SPATA19: variants seen among roughly 807,000 people sequenced by gnomAD.
SPATA19 encodes the protein spermatogenesis-associated protein 19, mitochondrial.
A neutral mutation model predicts 25.0 loss-of-function variants in SPATA19; 19 were observed. The observed-to-expected ratio is 0.76, with a 90% CI of 0.53 to 1.11. The LOEUF (loss-of-function observed/expected upper bound fraction) is 1.11. Ranked by LOEUF, SPATA19 falls within the 50% of genes most tolerant of loss-of-function variation. The pLI is 0.00. For missense variants in SPATA19, 222 were observed against 211.4 expected (o/e 1.05, Z -0.31); for synonymous variants, 64 against 69.3 (o/e 0.92, Z 0.38).
chr11:133,835,973 C>G (rs559011450), downstream of SPATA19, among the ~76,000 whole-genome samples: 41 of 152,320 alleles, frequency 2.7e-4, no homozygotes, highest in African/African-American at 9.6e-4. Context: ...CTGCCGCCGT[C>G]CTTTGGCACA....
Position 133,844,328 on chromosome 11 carries a change from G to GGT in SPATA19, c.275_276dup (p.His93ThrfsTer17). The GGT allele has an allele frequency of 6.2e-7, 1 of 1,614,134 alleles. No homozygotes were observed. Among genetic ancestry groups the GGT allele is most frequent in the South Asian group, 1.1e-5 (1 of 91,084 alleles). On this transcript the variant is annotated frameshift_variant, in exon 4 of 7. Coordinates refer to ENST00000299140, the MANE Select transcript of SPATA19 (RefSeq NM_174927.3). LOFTEE classifies it high-confidence loss of function. ...GCCAACAAATCAGACTTAGAGAGGT[G>GGT]GTGCTTCACCTGGGAAATCCAGAGG...
At chr11:133,842,841 G>A (rs1158496879) in intron 4 of SPATA19, among the ~76,000 whole-genome samples, 1 of 152,054 alleles carries the variant, frequency 6.6e-6, no homozygotes, top group African/African-American at 2.4e-5. Context: ...GCAAGCAGTG[G>A]TCTCGTGAGC....
downstream of SPATA19, among the ~76,000 whole-genome samples, chr11:133,837,637 C>G (rs1938236074): frequency 6.6e-6 from 1 of 152,194 alleles, no homozygotes. Flanking sequence ...CAGACCCTCC[C>G]CTCTAGCCTT....
In SPATA19 at chr11:133,844,603, A is replaced by T. The variant is rs754293828; in HGVS notation, c.173T>A (p.Leu58Gln). The change falls in exon 3 of 7, where the codon CTG becomes CAG. Residue 58 changes from leucine (L) to glutamine (Q), a missense_variant. Coordinates refer to ENST00000299140, the MANE Select transcript of SPATA19 (RefSeq NM_174927.3). ...EEASRGIKEKLSINHPSQGVR... is the reference protein window; with the variant it reads ...EEASRGIKEKQSINHPSQGVR... Reference sequence around the variant, plus strand: ...ACCCTGGGAAGGGTGGTTGATGGACAGCTTTTCCTTTATGCCCCGAGAAGC... The same window carrying T: ...ACCCTGGGAAGGGTGGTTGATGGACTGCTTTTCCTTTATGCCCCGAGAAGC... The T allele has an allele frequency of 6.2e-7, 1 of 1,613,070 alleles. No individual in the cohort carries two copies.
At chr11:133,835,938 G>A (rs1938205002), downstream of SPATA19, among the ~76,000 whole-genome samples, 1 of 151,952 alleles carries the variant, frequency 6.6e-6, no homozygotes, top group Admixed American at 6.6e-5. Flanking sequence ...ACCTGCCACT[G>A]CCCAGTGGAT....
At chr11:133,836,010 C>T (rs2851117), downstream of SPATA19, among the ~76,000 whole-genome samples, 64,848 of 152,050 alleles carry the variant, frequency 0.43, 14,350 homozygotes, top group East Asian at 0.66. Flanking sequence ...AAAATCACTT[C>T]CTGCTTTAAC....
At chr11:133,843,101 C>T (rs1254958364) in intron 4 of SPATA19, among the ~76,000 whole-genome samples, 7 of 152,226 alleles carry the variant, frequency 4.6e-5, no homozygotes, top group South Asian at 4.1e-4. Flanking sequence ...GGGAGATAGG[C>T]GGAGGCTTTT....
chr11:133,839,630 T>C (rs533531223), downstream of SPATA19, among the ~76,000 whole-genome samples: 41 of 152,140 alleles, frequency 2.7e-4, no homozygotes, highest in African/African-American at 8.9e-4. Context: ...TGTATACATA[T>C]GTAACAAACC....
At chr11:133,844,392 C>T in intron 3 of SPATA19, 55 bp from the exon 4 acceptor site, 1 of 1,611,300 alleles carries the variant, frequency 6.2e-7, no homozygotes, top group Non-Finnish European at 8.5e-7. Flanking sequence ...CCCAACTGGG[C>T]TGGCACAGAG....
intron 5 of SPATA19, 40 bp from the exon 6 acceptor site, chr11:133,842,145 T>C (rs370177765): frequency 6.3e-7 from 1 of 1,593,326 alleles, no homozygotes; most frequent in Non-Finnish European, 8.6e-7. Context: ...GGAGGGAGGC[T>C]GCCTGATAGC....
Position 133,845,399 on chromosome 11 carries a change from T to C in SPATA19, c.48A>G (p.Val16=), listed in dbSNP as rs776905690. The C allele has an allele frequency of 1.2e-6, 2 of 1,614,016 alleles. No individual in the cohort carries two copies. The highest frequency in any genetic ancestry group is 1.7e-6 in the Non-Finnish European group (2 of 1,179,860). ...TGGTTATTGGTAGGAAGGGAAGCCC[T>C]ACACCTTTCCGAGCAAGAATATACA... is the stretch of plus-strand genomic sequence containing the variant. ...WIVYILARKG[V]GLPFLPITSS... is the part of the protein sequence containing the mutation. Residue 16 remains valine (V), a synonymous_variant, in exon 1 of 7, where the codon GTA becomes GTG. Transcript: ENST00000299140.
At chr11:133,845,251 A>T in intron 1 of SPATA19, 61 bp from the exon 2 acceptor site, 22 of 1,215,056 alleles carry the variant, frequency 1.8e-5, no homozygotes, top group Non-Finnish European at 2.4e-5. Flanking sequence ...CTTCCCACCC[A>T]GCCCCCGCAA....
chr11:133,836,925 A>G (rs918835598), downstream of SPATA19, among the ~76,000 whole-genome samples: 3 of 152,182 alleles, frequency 2.0e-5, no homozygotes, highest in Admixed American at 6.5e-5. Context: ...ACTCTGGTCA[A>G]GGTACTTAAC....
chr11:133,842,792 G>C (rs1938337892), intron 4 of SPATA19, among the ~76,000 whole-genome samples: 1 of 151,994 alleles, frequency 6.6e-6, no homozygotes, highest in Non-Finnish European at 1.5e-5. Flanking sequence ...GTCCCGGGGA[G>C]AGCCAGGGAC....
rs369060546 is a variant in SPATA19 at position 133,842,015 on chromosome 11, C to G, written c.*9+15G>C. On this transcript the variant is annotated intron_variant, in intron 6 of 6. Coordinates refer to ENST00000299140, the MANE Select transcript of SPATA19 (RefSeq NM_174927.3). ...CATCTTCTCTGCCCAGTTCCTCATC[C>G]GTCAGCTCTCTCACCTGTTGCTCTC... 1 of 1,611,946 alleles carries G rather than the reference C, an allele frequency of 6.2e-7. No individual in the cohort carries two copies.
In SPATA19 at chr11:133,844,331, G is replaced by C. The variant is rs767203469; in HGVS notation, c.274C>G (p.His92Asp). 16 of 1,614,038 alleles carry C rather than the reference G, an allele frequency of 9.9e-6. No homozygotes were observed. Among genetic ancestry groups the C allele is most frequent in the Middle Eastern group, 1.6e-4 (1 of 6,084 alleles). The stretch of plus-strand genomic sequence containing the variant: ...AACAAATCAGACTTAGAGAGGTGGT[G>C]CTTCACCTGGGAAATCCAGAGGGTC... ...DIHVTRDVVK[H>D]HLSKSDLLAN... Residue 92 changes from histidine (H) to aspartate (D), a missense_variant, in exon 4 of 7, where the codon CAC becomes GAC. Coordinates refer to ENST00000299140, the MANE Select transcript of SPATA19 (RefSeq NM_174927.3).
At chr11:133,838,871 G>C (rs1332858865), downstream of SPATA19, among the ~76,000 whole-genome samples, 1 of 152,144 alleles carries the variant, frequency 6.6e-6, no homozygotes, top group African/African-American at 2.4e-5. Flanking sequence ...GTGGGCAAAG[G>C]ATATGAACAG....
At chr11:133,842,340 G>A (rs563815122) in intron 5 of SPATA19, 145 bp downstream of exon 5, 107 of 764,854 alleles carry the variant, frequency 1.4e-4, no homozygotes, top group Non-Finnish European at 2.1e-4. Flanking sequence ...AAGACAAGAC[G>A]CAGCCCTGGG....
rs1410893019 is a variant in SPATA19, at chr11:133,844,501, T to C, written c.267+8A>G. On this transcript the variant is annotated splice_region_variant and intron_variant, in intron 3 of 6. Coordinates refer to ENST00000299140, the MANE Select transcript of SPATA19 (RefSeq NM_174927.3). ...TACTCCCAGGCAAGGTCTCAAACTCTCATTTACCACATCTCTGGTCACGTG... is the reference window on the plus strand; with the variant it reads ...TACTCCCAGGCAAGGTCTCAAACTCCCATTTACCACATCTCTGGTCACGTG... 2 of 1,614,030 alleles carry C rather than the reference T, an allele frequency of 1.2e-6. No individual in the cohort carries two copies. Among genetic ancestry groups the C allele is most frequent in the Non-Finnish European group, 1.7e-6 (2 of 1,180,002 alleles).
Sources: gnomAD v4.1 joint callset for allele counts (sites outside exome capture counted in the v4.1 genomes callset) on GRCh38, gnomAD v4.1.1 for gene constraint, MANE v1.5 for transcripts, NCBI Gene and HGNC (gene_info 2026-07-23, HGNC 2026-07-21) for gene names.